The following AP3M2 variants were observed in gnomAD, a reference collection of about 807,000 sequenced individuals.
AP3M2 encodes adaptor related protein complex 3 subunit mu 2.
A neutral mutation model predicts 41.6 loss-of-function variants in AP3M2; 28 were observed. The observed-to-expected ratio is 0.67, with a 90% CI of 0.50 to 0.92. The LOEUF is 0.92. AP3M2 is among the 40% of genes least tolerant of loss of function. The pLI, the probability that AP3M2 is intolerant of heterozygous loss-of-function variation, is 0.00. For missense variants in AP3M2, 427 were observed against 521.4 expected, an observed-to-expected ratio of 0.82 and a Z score of 1.76; for synonymous variants, 193 against 186.4, an observed-to-expected ratio of 1.04 and a Z score of -0.29.
At position 42,158,029 on chromosome 8, in the gene AP3M2, T is replaced by C. The variant is rs959631133; in HGVS notation, c.362T>C (p.Phe121Ser). ...TTGGAAGAGATGCTTGACAATGGTTTTCCATTGGCTACCGAGTCGAACATT... is the reference window on the plus strand; with the variant it reads ...TTGGAAGAGATGCTTGACAATGGTTCTCCATTGGCTACCGAGTCGAACATT... ...EVLEEMLDNG[F>S]PLATESNILK... Residue 121 changes from phenylalanine (F) to serine (S), a missense_variant, in exon 3 of 9, where the codon TTT becomes TCT. Physicochemically the swap from Phe to Ser is radical, Grantham distance 155 (BLOSUM62 -2). Transcript: ENST00000396926. 4.3e-6 allele frequency: 7 copies of C among 1,614,162 alleles called. No individual in the cohort carries two copies. Among genetic ancestry groups the C allele is most frequent in the Non-Finnish European group, 5.9e-6 (7 of 1,180,014 alleles).
At position 42,170,190 on chromosome 8, in the gene AP3M2, G is replaced by A. The variant is rs1215203875; in HGVS notation, c.*1129G>A. 2.0e-5 allele frequency: 3 copies of A among 152,218 alleles called. No individual in the cohort carries two copies. Among genetic ancestry groups the A allele is most frequent in the Non-Finnish European group, 4.4e-5 (3 of 68,058 alleles). The allele number at this position is 152,218 out of a possible 1,614,324, so 9.4% of individuals were successfully genotyped here. A position where few individuals can be genotyped will look rare whatever the true frequency, so the allele number is the denominator to read the frequency against. On this transcript the variant is annotated 3_prime_UTR_variant, in exon 9 of 9. Coordinates refer to ENST00000396926, the MANE Select transcript of AP3M2 (RefSeq NM_006803.4). ...CTAGAAAAAGAGAAAGCTTACCATCGAGGGTGTGGTTGATCCTTGAAGCTG... is the reference window on the plus strand; with the variant it reads ...CTAGAAAAAGAGAAAGCTTACCATCAAGGGTGTGGTTGATCCTTGAAGCTG...
intron 4 of AP3M2, among the ~76,000 whole-genome samples, chr8:42,164,564 C>T (rs1259897311): frequency 1.3e-5 from 2 of 152,102 alleles, no homozygotes; most frequent in African/African-American, 4.8e-5. Flanking sequence ...GAAAATAGGA[C>T]ACCAGGAGAG....
chr8:42,168,716 G>T (rs923115721), intron 8 of AP3M2, among the ~76,000 whole-genome samples: 1 of 152,072 alleles, frequency 6.6e-6, no homozygotes. Context: ...ATTTTAGTCT[G>T]CACATTACTT....
chr8:42,165,710 G>T, intron 6 of AP3M2, 150 bp downstream of exon 6: 1 of 802,554 alleles, frequency 1.2e-6, no homozygotes, highest in South Asian at 1.9e-5. Context: ...CAGGTGAGTT[G>T]CTTAACCCCT....
chr8:42,155,445 A>G (rs929784385), intron 2 of AP3M2, among the ~76,000 whole-genome samples: 9 of 152,228 alleles, frequency 5.9e-5, no homozygotes, highest in Non-Finnish European at 8.8e-5. Flanking sequence ...GGTTCTTTAT[A>G]GTGAGAGAGT....
At chr8:42,154,535 G>GGGTA (rs1046000305) in intron 1 of AP3M2, 81 bp from the exon 2 acceptor site, 1 of 1,104,858 alleles carries the variant, frequency 9.1e-7, no homozygotes, top group African/African-American at 1.6e-5. Context: ...CTTGAAAGAT[G>GGGTA]GGTAAGTCTT....
At chr8:42,164,456 T>A (rs1804586213) in intron 4 of AP3M2, among the ~76,000 whole-genome samples, 1 of 151,992 alleles carries the variant, frequency 6.6e-6, no homozygotes, top group Non-Finnish European at 1.5e-5. Flanking sequence ...CAGGAGAGTG[T>A]GTAAAGTGAA....
chr8:42,156,968 A>C (rs938564437), intron 2 of AP3M2, among the ~76,000 whole-genome samples: 11 of 152,224 alleles, frequency 7.2e-5, no homozygotes, highest in Non-Finnish European at 1.5e-4. Flanking sequence ...AGCAAAAGAA[A>C]GAACTTTGGA....
At chr8:42,165,965 T>G (rs1448123596) in intron 6 of AP3M2, among the ~76,000 whole-genome samples, 1 of 152,170 alleles carries the variant, frequency 6.6e-6, no homozygotes, top group African/African-American at 2.4e-5. Context: ...AACGCAGTGA[T>G]TTTTGGTCTT....
rs1246877336 is a variant in AP3M2 at position 42,169,867 on chromosome 8, C to T, written c.*806C>T. On this transcript the variant is annotated 3_prime_UTR_variant, in exon 9 of 9. Transcript: ENST00000396926. The stretch of plus-strand genomic sequence containing the variant: ...CTTCCCATGGTGGCTGCCTAAAGTG[C>T]TTCTTTTCTAACCCAAAACAGTTCT... The T allele has an allele frequency of 6.6e-6, 1 of 152,246 alleles. No homozygotes were observed. The highest frequency in any genetic ancestry group is 1.5e-5 in the Non-Finnish European group (1 of 68,050). 9.4% of individuals were successfully genotyped at this position (152,246 alleles called of 1,614,324 possible).
In AP3M2 at chr8:42,162,463, G is replaced by A. The variant is rs533941937; in HGVS notation, c.583+45G>A. 1.2e-5 allele frequency: 19 copies of A among 1,561,494 alleles called. No individual in the cohort carries two copies. The African/African-American group carries it at 2.1e-4, about 17-fold the overall frequency. On this transcript the variant is annotated intron_variant, in intron 4 of 8. Coordinates refer to ENST00000396926, the MANE Select transcript of AP3M2 (RefSeq NM_006803.4). ...TCTCAGAAATATGAAAATAGAAAGGGACCTCTTTCATATAATGCTTGTAGT... is the reference window on the plus strand; with the variant it reads ...TCTCAGAAATATGAAAATAGAAAGGAACCTCTTTCATATAATGCTTGTAGT...
At chr8:42,168,863 G>T in intron 8 of AP3M2, 98 bp from the exon 9 acceptor site, 4 of 818,120 alleles carry the variant, frequency 4.9e-6, no homozygotes, top group Non-Finnish European at 5.8e-6. Flanking sequence ...CAGCAATGTC[G>T]GTCCCACTGA....
chr8:42,157,634 C>CGT (rs1564116078), intron 2 of AP3M2, among the ~76,000 whole-genome samples: 1 of 151,852 alleles, frequency 6.6e-6, no homozygotes, highest in African/African-American at 2.4e-5. Context: ...TTGATAAGCA[C>CGT]ATAATCAAGA....
chr8:42,166,845 A>G, intron 6 of AP3M2: 1 of 308,764 alleles, frequency 3.2e-6, no homozygotes, highest in Non-Finnish European at 6.2e-6. Flanking sequence ...GACTGGTCAC[A>G]TGTTACAAGT....
chr8:42,155,610 G>A lies in AP3M2; in HGVS notation c.273+650G>A, dbSNP rs57514147. Among the ~76,000 whole-genome samples the A allele has an allele frequency of 2.4e-3, 360 of 152,322 alleles. 1 individual carries two copies. The highest frequency in any genetic ancestry group is 7.9e-3 in the African/African-American group (330 of 41,570). ...AGGGGGTGATGTCCAAGGGAGGTCA[G>A]TGATACCAGGACACGACACCATTTG... On this transcript the variant is annotated intron_variant, in intron 2 of 8. Coordinates refer to ENST00000396926, the MANE Select transcript of AP3M2 (RefSeq NM_006803.4).
chr8:42,161,771 T>C (rs1254082615), intron 3 of AP3M2, among the ~76,000 whole-genome samples: 1 of 152,188 alleles, frequency 6.6e-6, no homozygotes, highest in Non-Finnish European at 1.5e-5. Flanking sequence ...GATCTACAAT[T>C]CTTAAAGACA....
At chr8:42,158,830 GT>G (rs1190375045) in intron 3 of AP3M2, among the ~76,000 whole-genome samples, 1 of 145,444 alleles carries the variant, frequency 6.9e-6, no homozygotes, top group East Asian at 2.0e-4. Context: ...GTCTTGCTCT[GT>G]TGCCCAGGAT....
intron 5 of AP3M2, 77 bp from the exon 6 acceptor site, chr8:42,165,350 G>A (rs1804610304): frequency 2.6e-6 from 4 of 1,545,172 alleles, no homozygotes; most frequent in African/African-American, 2.7e-5. Flanking sequence ...ATTAAAAACA[G>A]CATTTAAATT....
chr8:42,164,510 C>T (rs538241710), intron 4 of AP3M2, among the ~76,000 whole-genome samples: 2 of 152,198 alleles, frequency 1.3e-5, no homozygotes, highest in Admixed American at 6.5e-5. Flanking sequence ...AAGGGATGTG[C>T]AAAGAAAGAG....
Sources: gnomAD v4.1 joint callset for allele counts (sites outside exome capture counted in the v4.1 genomes callset) on GRCh38, gnomAD v4.1.1 for gene constraint, MANE v1.5 for transcripts, NCBI Gene and HGNC (gene_info 2026-07-23, HGNC 2026-07-21) for gene names.